CLMN: variants seen among roughly 807,000 people sequenced by gnomAD.
The protein encoded by CLMN is calmin.
Under a neutral mutation model 92.7 loss-of-function variants are expected in CLMN, and 57 were observed. The ratio of observed to expected loss-of-function variants is 0.61; its 90% CI spans 0.50 to 0.77. The LOEUF (loss-of-function observed/expected upper bound fraction) is 0.77. Among genes scored for constraint, CLMN ranks in the 30% least tolerant of loss-of-function variants. The pLI, the probability that CLMN is intolerant of heterozygous loss-of-function variation, is 0.00. For missense variants in CLMN, 1,158 were observed against 1,237.5 expected (o/e 0.94, Z 0.96); for synonymous variants, 466 against 470.6 (o/e 0.99, Z 0.13).
In CLMN at chr14:95,185,970, A is replaced by C. The variant is rs1896431403; in HGVS notation, c.*5594T>G. On this transcript the variant is annotated 3_prime_UTR_variant, in exon 13 of 13. Coordinates refer to ENST00000298912, the MANE Select transcript of CLMN (RefSeq NM_024734.4). ...TCGTAAGACACATCTGTACTTGCTA[A>C]TTCTGACTTTTGTTGGAGAGATGAG... 1 of 152,210 alleles carries C rather than the reference A, an allele frequency of 6.6e-6. No homozygotes were observed. The highest frequency in any genetic ancestry group is 2.4e-5 in the African/African-American group (1 of 41,448). The allele number at this position is 152,210 out of a possible 1,614,324, so 9.4% of individuals were successfully genotyped here.
intron 1 of CLMN, among the ~76,000 whole-genome samples, chr14:95,276,208 G>A (rs748328712): frequency 1.5e-4 from 23 of 152,278 alleles, no homozygotes; most frequent in Admixed American, 2.6e-4. Flanking sequence ...GGGAAAGGGC[G>A]GAATTGAGTT....
chr14:95,262,125 C>T (rs1044309529), intron 1 of CLMN, among the ~76,000 whole-genome samples: 1 of 152,244 alleles, frequency 6.6e-6, no homozygotes, highest in African/African-American at 2.4e-5. Flanking sequence ...TGTCTCCCCA[C>T]ATCGTTTGGA....
At position 95,238,307 on chromosome 14, in the gene CLMN, C is replaced by T. The variant is rs1225171140; in HGVS notation, c.83-8174G>A. On this transcript the variant is annotated intron_variant, in intron 1 of 12. Transcript: ENST00000298912. ...TAAAACTCAGAAACAAATTAAATGG[C>T]AATTTCTTTTTAAACAGGAGAGGGG... is the stretch of plus-strand genomic sequence containing the variant. Among the ~76,000 whole-genome samples the T allele has an allele frequency of 2.6e-5, 4 of 152,328 alleles. No homozygotes were observed. In the East Asian group the frequency reaches 5.8e-4, roughly 22 times the overall value.
intron 1 of CLMN, among the ~76,000 whole-genome samples, chr14:95,283,095 C>T (rs1222530726): frequency 6.6e-6 from 1 of 152,210 alleles, no homozygotes; most frequent in Non-Finnish European, 1.5e-5. Flanking sequence ...ATTTTATCTC[C>T]CAGAATTCCC....
intron 5 of CLMN, among the ~76,000 whole-genome samples, chr14:95,214,017 TCAC>T (rs1897264157): frequency 6.6e-6 from 1 of 151,988 alleles, no homozygotes; most frequent in South Asian, 2.1e-4. Context: ...AGCTCTGGTG[TCAC>T]TTCTTCCAGG....
Position 95,314,343 on chromosome 14 carries a change from A to C in CLMN, c.82+5368T>G, listed in dbSNP as rs1265024404. Among the ~76,000 whole-genome samples, 5 of 152,128 alleles carry C rather than the reference A, an allele frequency of 3.3e-5. No individual in the cohort carries two copies. In the East Asian group the frequency reaches 7.7e-4, roughly 23 times the overall value. On this transcript the variant is annotated intron_variant, in intron 1 of 12. Coordinates refer to ENST00000298912, the MANE Select transcript of CLMN (RefSeq NM_024734.4). ...TACCCAGGACACTTGGTGGAAGTGA[A>C]TCTCCAGCACTCCACAGTGAAAAGA... is the stretch of plus-strand genomic sequence containing the variant.
At chr14:95,247,395 T>C (rs28603318) in intron 1 of CLMN, among the ~76,000 whole-genome samples, 12,200 of 152,250 alleles carry the variant, frequency 0.08, 647 homozygotes, top group African/African-American at 0.14. Flanking sequence ...CTGCATCTGA[T>C]TGGCCCCTGG....
rs550333067 is a variant in CLMN, at chr14:95,246,445, C to T, written c.83-16312G>A. On this transcript the variant is annotated intron_variant, in intron 1 of 12. Transcript: ENST00000298912. ...CCATGGGGCCCTGCATGGTGTGGCA[C>T]CCCCCTCCTCTTGGGAACTGTGAGT... Among the ~76,000 whole-genome samples, 392 of 152,304 alleles carry T rather than the reference C, an allele frequency of 2.6e-3. 1 individual carries two copies. The highest frequency in any genetic ancestry group is 0.014 in the Middle Eastern group (4 of 294).
chr14:95,255,812 T>C (rs556541422), intron 1 of CLMN, among the ~76,000 whole-genome samples: 1 of 152,238 alleles, frequency 6.6e-6, no homozygotes, highest in Admixed American at 6.5e-5. Flanking sequence ...TTTACTAGGT[T>C]CCCATGTTTT....
At chr14:95,220,169 C>CTTTTTTTTTT (rs767326601) in intron 4 of CLMN, among the ~76,000 whole-genome samples, 3 of 71,796 alleles carry the variant, frequency 4.2e-5, no homozygotes, top group Admixed American at 2.0e-4. Flanking sequence ...GGATAGGTCC[C>CTTTTTTTTTT]TTTTTTTTTT....
At position 95,204,463 on chromosome 14, in the gene CLMN, C is replaced by T. The variant is rs1896987848; in HGVS notation, c.886G>A (p.Glu296Lys). The change falls in exon 9 of 13, where the codon GAA (glutamate) becomes AAA (lysine). Residue 296 changes from glutamate (E) to lysine (K), a missense_variant and splice_region_variant. Transcript: ENST00000298912. ...FLERFPELEA[E>K]DIFDSDKEVP... ...TCTTTATCTGAATCGAAAATATCTTCCTGCAAAAAAAAACAAAAACAAACA... is the reference window on the plus strand; with the variant it reads ...TCTTTATCTGAATCGAAAATATCTTTCTGCAAAAAAAAACAAAAACAAACA... The T allele has an allele frequency of 2.6e-6, 4 of 1,525,162 alleles. No homozygotes were observed. The highest frequency in any genetic ancestry group is 2.6e-6 in the Non-Finnish European group (3 of 1,145,180). The allele number at this position is 1,525,162 out of a possible 1,614,324, so 94.5% of individuals were successfully genotyped here.
At chr14:95,258,555 TGTG>T (rs1899110224) in intron 1 of CLMN, among the ~76,000 whole-genome samples, 1 of 145,514 alleles carries the variant, frequency 6.9e-6, no homozygotes. Context: ...GTATGTGTGG[TGTG>T]GTTGTGTGTG....
At chr14:95,250,603 T>G (rs1898742939) in intron 1 of CLMN, among the ~76,000 whole-genome samples, 1 of 152,230 alleles carries the variant, frequency 6.6e-6, no homozygotes, top group South Asian at 2.1e-4. Flanking sequence ...CAAAAAGCCA[T>G]GCAGTGTTCA....
At position 95,221,709 on chromosome 14, in the gene CLMN, C is replaced by T; in HGVS notation, c.306G>A (p.Lys102=). Residue 102 remains lysine, a synonymous_variant, in exon 4 of 13, where the codon AAG becomes AAA. Transcript: ENST00000298912. ...FRLNNIAKAL[K]FLEDSNVKLV... ...CACTTACATTGCTATCTTCCAAAAA[C>T]TTAAGTGCTTTCGCTATGTTGTTCA... is the stretch of plus-strand genomic sequence containing the variant. 6.2e-7 allele frequency: 1 copy of T among 1,614,122 alleles called. No individual in the cohort carries two copies. Among genetic ancestry groups the T allele is most frequent in the Non-Finnish European group, 8.5e-7 (1 of 1,180,012 alleles).
intron 1 of CLMN, among the ~76,000 whole-genome samples, chr14:95,279,399 G>C (rs1470656359): frequency 6.6e-6 from 1 of 152,194 alleles, no homozygotes; most frequent in Non-Finnish European, 1.5e-5. Context: ...GGGACATATG[G>C]AGTTAGCCAT....
intron 1 of CLMN, among the ~76,000 whole-genome samples, chr14:95,298,436 G>C (rs966560624): frequency 6.6e-6 from 1 of 152,148 alleles, no homozygotes; most frequent in African/African-American, 2.4e-5. Context: ...CAAGGAACCA[G>C]AAACTGTTCA....
chr14:95,203,898 G>A lies in CLMN; in HGVS notation c.1451C>T (p.Ser484Phe), dbSNP rs1566864071. 1 of 1,613,170 alleles carries A rather than the reference G, an allele frequency of 6.2e-7. No homozygotes were observed. Among genetic ancestry groups the A allele is most frequent in the Non-Finnish European group, 8.5e-7 (1 of 1,180,036 alleles). Residue 484 changes from serine to phenylalanine, a missense_variant, in exon 9 of 13, where the codon TCC becomes TTC. Physicochemically the swap from Ser to Phe is radical, Grantham distance 155. Transcript: ENST00000298912. ...QKQESSKIPE[S>F]SSDKVAGDIF... ...GTCACCAGCGACCTTGTCAGAGGAG[G>A]ATTCTGGAATCTTCGAGGATTCCTG...
At chr14:95,196,754 A>G in intron 9 of CLMN, 60 bp from the exon 10 acceptor site, 1 of 1,539,786 alleles carries the variant, frequency 6.5e-7, no homozygotes, top group Non-Finnish European at 8.8e-7. Flanking sequence ...AAAGTAGGTG[A>G]CATCACCCAG....
chr14:95,292,966 G>A (rs2140762544), intron 1 of CLMN, among the ~76,000 whole-genome samples: 1 of 152,260 alleles, frequency 6.6e-6, no homozygotes. Flanking sequence ...GTGGGTAAGT[G>A]ACACAGAGCA....
Sources: gnomAD v4.1 joint callset for allele counts (sites outside exome capture counted in the v4.1 genomes callset) on GRCh38, gnomAD v4.1.1 for gene constraint, MANE v1.5 for transcripts, NCBI Gene and HGNC (gene_info 2026-07-23, HGNC 2026-07-21) for gene names.